Variants in RGS9 observed in about 807,000 individuals in gnomAD.
RGS9 encodes regulator of G protein signaling 9, also known as regulator of G-protein signalling 9.
In RGS9, 78 loss-of-function variants were observed where a neutral mutation model predicts 102.0. The ratio of observed to expected loss-of-function variants is 0.76; its 90% confidence interval spans 0.64 to 0.92. The LOEUF (loss-of-function observed/expected upper bound fraction) is 0.92. Among genes scored for constraint, RGS9 ranks in the 40% least tolerant of loss-of-function variants. The pLI is 0.00. For synonymous variants in RGS9, 353 were observed against 318.6 expected (o/e 1.11, Z -1.15); for missense variants, 833 against 866.1 (o/e 0.96, Z 0.48).
intron 1 of RGS9, among the ~76,000 whole-genome samples, chr17:65,144,884 C>T (rs1271695288): frequency 1.3e-5 from 2 of 152,130 alleles, no homozygotes; most frequent in Non-Finnish European, 2.9e-5. Flanking sequence ...TCTTTGCTGA[C>T]AGTTCTGGAG....
Position 65,160,591 on chromosome 17 carries a change from A to G in RGS9, c.364+4A>G. The G allele has an allele frequency of 1.2e-6, 2 of 1,613,974 alleles. No homozygotes were observed. Among genetic ancestry groups the G allele is most frequent in the Non-Finnish European group, 1.7e-6 (2 of 1,179,860 alleles). ...CCAGCTGAAGATACCGATTACGGTA[A>G]ATACTTCAGCCCCAACTATGCCTTT... On this transcript the variant is annotated splice_donor_region_variant and intron_variant, in intron 5 of 18. Coordinates refer to ENST00000262406, the MANE Select transcript of RGS9 (RefSeq NM_003835.4).
At chr17:65,168,926 G>A (rs763399341) in intron 8 of RGS9, among the ~76,000 whole-genome samples, 1 of 152,128 alleles carries the variant, frequency 6.6e-6, no homozygotes, top group Non-Finnish European at 1.5e-5. Context: ...CAGAAGTGGG[G>A]TCTGACTGCT....
intron 10 of RGS9, among the ~76,000 whole-genome samples, chr17:65,189,901 C>T (rs576904494): frequency 1.6e-3 from 249 of 152,302 alleles, no homozygotes; most frequent in Non-Finnish European, 3.0e-3. Context: ...AGCGTTTGTC[C>T]CCGTGTCTCA....
intron 17 of RGS9, among the ~76,000 whole-genome samples, chr17:65,222,560 G>T (rs573611291): frequency 5.9e-5 from 9 of 152,282 alleles, no homozygotes; most frequent in Non-Finnish European, 1.2e-4. Context: ...CTAAAATGGG[G>T]TGGTTATAGA....
intron 13 of RGS9, among the ~76,000 whole-genome samples, chr17:65,197,591 G>A (rs1309809467): frequency 1.3e-5 from 2 of 152,132 alleles, no homozygotes; most frequent in Non-Finnish European, 2.9e-5. Flanking sequence ...GAACCTGGAG[G>A]AAGGGAAGGG....
chr17:65,216,799 G>A (rs1448530248), intron 17 of RGS9, among the ~76,000 whole-genome samples: 1 of 152,162 alleles, frequency 6.6e-6, no homozygotes, highest in Non-Finnish European at 1.5e-5. Context: ...ATTTCATCGA[G>A]TTTGCATTTT....
rs764427200 is a variant in RGS9, at chr17:65,227,257, T to C, written c.1893-18T>C. 2 of 1,614,002 alleles carry C rather than the reference T, an allele frequency of 1.2e-6. No homozygotes were observed. The highest frequency in any genetic ancestry group is 2.7e-5 in the African/African-American group (2 of 74,926). On this transcript the variant is annotated intron_variant, in intron 18 of 18. Transcript: ENST00000262406. ...TGCCCCTGCCCCTACATTACTGGCT[T>C]TCCTCTTGCACCTGAAGCTTTTTCC... is the stretch of plus-strand genomic sequence containing the variant.
chr17:65,221,486 A>G (rs995553445), intron 17 of RGS9, among the ~76,000 whole-genome samples: 1 of 152,212 alleles, frequency 6.6e-6, no homozygotes, highest in Non-Finnish European at 1.5e-5. Flanking sequence ...TGAATCAGCA[A>G]GGAAAGCAAG....
Position 65,204,215 on chromosome 17 carries a change from A to G in RGS9, c.1117A>G (p.Met373Val), listed in dbSNP as rs1912960195. ...CTGGATCAACATAGATGGCAAAACC[A>G]TGGACATCACAGTGAAGGGGCTGAA... The part of the protein sequence containing the change: ...RRWINIDGKT[M>V]DITVKGLKHP... The change falls in exon 15 of 19, where the codon ATG (methionine) becomes GTG (valine). Residue 373 changes from methionine to valine, a missense_variant. Met to Val is a conservative substitution (Grantham distance 21). Transcript: ENST00000262406. 1 of 1,613,378 alleles carries G rather than the reference A, an allele frequency of 6.2e-7. No individual in the cohort carries two copies.
At chr17:65,215,214 A>G (rs1319868896) in intron 17 of RGS9, among the ~76,000 whole-genome samples, 1 of 152,138 alleles carries the variant, frequency 6.6e-6, no homozygotes, top group Non-Finnish European at 1.5e-5. Flanking sequence ...GTGGGTTCAG[A>G]GGAAAGAAGA....
intron 11 of RGS9, among the ~76,000 whole-genome samples, chr17:65,192,286 G>C (rs1484463429): frequency 6.6e-6 from 1 of 152,170 alleles, no homozygotes; most frequent in African/African-American, 2.4e-5. Context: ...GGGAAGGGAA[G>C]GGGGAAGGGG....
chr17:65,141,934 G>C lies in RGS9; in HGVS notation c.57+4337G>C, dbSNP rs555630002. 8.6e-4 allele frequency among the ~76,000 whole-genome samples: 131 copies of C among 152,336 alleles called. 1 individual carries two copies. Among genetic ancestry groups the C allele is most frequent in the African/African-American group, 3.1e-3 (127 of 41,568 alleles). Reference sequence around the variant, plus strand: ...CCCAAGTGTACAGGAAGTGAGTTTGGCGTTGATGGAGAAGACTGGTAGGTA... The same window carrying C: ...CCCAAGTGTACAGGAAGTGAGTTTGCCGTTGATGGAGAAGACTGGTAGGTA... On this transcript the variant is annotated intron_variant, in intron 1 of 18. Transcript: ENST00000262406.
chr17:65,226,671 G>A (rs1905698252), intron 18 of RGS9, among the ~76,000 whole-genome samples: 2 of 150,766 alleles, frequency 1.3e-5, no homozygotes, highest in Admixed American at 1.3e-4. Context: ...GGAGTGCAGT[G>A]GTGTAATCTT....
At chr17:65,156,416 C>T (rs564970447) in intron 2 of RGS9, among the ~76,000 whole-genome samples, 7 of 152,362 alleles carry the variant, frequency 4.6e-5, no homozygotes, top group African/African-American at 1.4e-4. Flanking sequence ...TGGGCGAGGT[C>T]GCCCATCCTG....
At chr17:65,184,484 C>G (rs1218265528) in intron 9 of RGS9, among the ~76,000 whole-genome samples, 1 of 152,094 alleles carries the variant, frequency 6.6e-6, no homozygotes, top group African/African-American at 2.4e-5. Context: ...TGCTATGTGC[C>G]AGGGACCTTA....
At chr17:65,198,457 T>C (rs887138602) in intron 13 of RGS9, among the ~76,000 whole-genome samples, 17 of 152,192 alleles carry the variant, frequency 1.1e-4, no homozygotes, top group African/African-American at 3.9e-4. Flanking sequence ...GGTTTCGCCA[T>C]GTTGGCCAGG....
chr17:65,196,632 C>T (rs558625891), intron 12 of RGS9, among the ~76,000 whole-genome samples: 6 of 149,918 alleles, frequency 4.0e-5, no homozygotes, highest in Non-Finnish European at 7.6e-5. Flanking sequence ...GAGGCAGGTA[C>T]AGGAGGAGCC....
chr17:65,212,040 G>T (rs1267888841), intron 17 of RGS9, among the ~76,000 whole-genome samples: 2 of 152,200 alleles, frequency 1.3e-5, no homozygotes, highest in Admixed American at 6.5e-5. Flanking sequence ...TCTGCTTCAT[G>T]TACCTCTCTT....
Position 65,189,297 on chromosome 17 carries a change from C to T in RGS9, c.666C>T (p.Val222=), listed in dbSNP as rs773817591. 5.0e-6 allele frequency: 8 copies of T among 1,611,908 alleles called. No individual in the cohort carries two copies. Among genetic ancestry groups the T allele is most frequent in the Middle Eastern group, 1.7e-4 (1 of 5,968 alleles). ...NEVKVNQKQT[V]VAVKKEIMYY... is the part of the protein sequence containing the mutation. ...TCTTTGTCTTACAGAAACAAACAGTCGTTGCTGTCAAAAAAGAGGTAATTA... is the reference window on the plus strand; with the variant it reads ...TCTTTGTCTTACAGAAACAAACAGTTGTTGCTGTCAAAAAAGAGGTAATTA... The change falls in exon 10 of 19, where the codon GTC becomes GTT. Residue 222 remains valine, a synonymous_variant. Coordinates refer to ENST00000262406, the MANE Select transcript of RGS9 (RefSeq NM_003835.4).
Sources: allele counts gnomAD v4.1 joint callset (sites outside exome capture counted in the v4.1 genomes callset), GRCh38; gene constraint gnomAD v4.1.1; transcripts MANE v1.5; gene names NCBI Gene and HGNC (gene_info 2026-07-23, HGNC 2026-07-21).